AFF2: variants seen among roughly 807,000 people sequenced by gnomAD.
AFF2 encodes the protein ALF transcription elongation factor 2.
A neutral mutation model predicts 76.9 loss-of-function variants in AFF2; 14 were observed. That is an observed-to-expected ratio of 0.18 (90% confidence interval 0.12 to 0.28). The LOEUF is 0.28. AFF2 is among the 10% of genes least tolerant of loss of function. The pLI, the probability that AFF2 is intolerant of heterozygous loss-of-function variation, is 1.00. For synonymous variants in AFF2, 398 were observed against 366.7 expected (o/e 1.09, Z -0.98); for missense variants, 868 against 1,001.1 (o/e 0.87, Z 1.79).
At chrX:148,840,675 T>C (rs1269690738) in intron 5 of AFF2, among the ~76,000 whole-genome samples, 1 of 112,852 alleles carries the variant, frequency 8.9e-6, no homozygotes, top group African/African-American at 3.2e-5. Context: ...GCATTTAAAA[T>C]AAATTTGTAT....
intron 1 of AFF2, among the ~76,000 whole-genome samples, chrX:148,513,445 C>T (rs896134752): frequency 3.6e-5 from 4 of 111,763 alleles, no homozygotes. Context: ...AGCTTCATTG[C>T]CTTAATGGAG....
rs1569551571 is a variant in AFF2, at chrX:148,581,009, C to CACACAAACATGTGTATATA, written c.48-70990_48-70989insACACAAACATGTGTATATA. 8.0e-3 allele frequency among the ~76,000 whole-genome samples: 274 copies of CACACAAACATGTGTATATA among 34,179 alleles called. 8 individuals are homozygous for CACACAAACATGTGTATATA. Among genetic ancestry groups the CACACAAACATGTGTATATA allele is most frequent in the African/African-American group, 0.025 (263 of 10,493 alleles). 29.7% of individuals were successfully genotyped at this position (34,179 alleles called of 115,157 possible). Reference sequence around the variant, plus strand: ...ACAAATATATACATATATGCACCTCCTACACACAAACATATGTGTATATAT... The same window carrying CACACAAACATGTGTATATA: ...ACAAATATATACATATATGCACCTCCACACAAACATGTGTATATATACACACAAACATATGTGTATATAT... On this transcript the variant is annotated intron_variant, in intron 1 of 20. Transcript: ENST00000370460.
At chrX:148,973,326 AG>A in intron 15 of AFF2, 144 bp from the exon 16 acceptor site, 1 of 707,985 alleles carries the variant, frequency 1.4e-6, no homozygotes, top group Non-Finnish European at 2.1e-6. Flanking sequence ...CCCTCTCCCC[AG>A]GGGTGACAAC....
intron 3 of AFF2, among the ~76,000 whole-genome samples, chrX:148,806,231 G>C (rs782040298): frequency 9.5e-4 from 107 of 112,475 alleles, no homozygotes; most frequent in African/African-American, 3.4e-3. Context: ...GAGAGTGCAA[G>C]AGAATAGCAT....
intron 8 of AFF2, among the ~76,000 whole-genome samples, chrX:148,897,298 A>ATG (rs1342757582): frequency 1.3e-5 from 1 of 78,581 alleles, no homozygotes; most frequent in African/African-American, 4.3e-5. Flanking sequence ...ATATATCCAT[A>ATG]TGTGTGTATA....
At chrX:148,715,368 CAAGA>C (rs1557263259) in intron 3 of AFF2, among the ~76,000 whole-genome samples, 1 of 111,432 alleles carries the variant, frequency 9.0e-6, no homozygotes. Flanking sequence ...AGTAATACAT[CAAGA>C]AAGCCCCAGA....
At chrX:148,810,730 C>A (rs1208405305) in intron 4 of AFF2, among the ~76,000 whole-genome samples, 5 of 111,861 alleles carry the variant, frequency 4.5e-5, no homozygotes, top group Non-Finnish European at 7.5e-5. Flanking sequence ...TATAGGCTAC[C>A]AAGTGGTATA....
chrX:148,923,523 T>G (rs1194650102), intron 9 of AFF2, among the ~76,000 whole-genome samples: 1 of 110,746 alleles, frequency 9.0e-6, no homozygotes, highest in African/African-American at 3.3e-5. Flanking sequence ...TTTGCAAAAA[T>G]TTTGAAACGG....
chrX:148,726,497 C>A (rs2055156968), intron 3 of AFF2, among the ~76,000 whole-genome samples: 1 of 112,074 alleles, frequency 8.9e-6, no homozygotes. Flanking sequence ...GGAGAGCAGT[C>A]TCAGGCCTGC....
At chrX:148,650,120 T>TTTGGATAAATTGA (rs1238808608) in intron 1 of AFF2, among the ~76,000 whole-genome samples, 3 of 110,804 alleles carry the variant, frequency 2.7e-5, no homozygotes, top group African/African-American at 9.9e-5. Flanking sequence ...CTTTCTTACA[T>TTTGGATAAATTGA]TTGGATAAAT....
At chrX:148,623,149 G>A (rs782758192) in intron 1 of AFF2, among the ~76,000 whole-genome samples, 4 of 111,510 alleles carry the variant, frequency 3.6e-5, no homozygotes, top group Non-Finnish European at 5.7e-5. Context: ...TCCACATGCT[G>A]TATTTTTCTG....
At chrX:148,675,703 C>A (rs1363007137) in intron 3 of AFF2, among the ~76,000 whole-genome samples, 1 of 109,609 alleles carries the variant, frequency 9.1e-6, no homozygotes, top group South Asian at 4.0e-4. Flanking sequence ...GATATGGAGA[C>A]CAGGATGTTC....
At chrX:148,960,715 C>T (rs2072099176) in intron 12 of AFF2, among the ~76,000 whole-genome samples, 1 of 111,989 alleles carries the variant, frequency 8.9e-6, no homozygotes, top group African/African-American at 3.2e-5. Flanking sequence ...GATTCCACAC[C>T]AGACTATGAC....
intron 3 of AFF2, among the ~76,000 whole-genome samples, chrX:148,690,800 C>A (rs1472516666): frequency 3.6e-5 from 4 of 111,976 alleles, no homozygotes; most frequent in African/African-American, 9.7e-5. Context: ...GTGGCTTAAA[C>A]AACAGAAATT....
chrX:148,657,696 AG>A (rs1376658239), intron 2 of AFF2, among the ~76,000 whole-genome samples: 16 of 112,581 alleles, frequency 1.4e-4, no homozygotes, highest in African/African-American at 5.2e-4. Flanking sequence ...GTGATTGCTT[AG>A]AAAATAATGG....
intron 7 of AFF2, among the ~76,000 whole-genome samples, chrX:148,864,892 A>G (rs1188361323): frequency 8.9e-6 from 1 of 112,198 alleles, no homozygotes; most frequent in African/African-American, 3.2e-5. Context: ...AAATTGTATA[A>G]ACGTTGATGA....
chrX:148,947,816 A>G (rs1315682857), intron 9 of AFF2, among the ~76,000 whole-genome samples: 1 of 112,522 alleles, frequency 8.9e-6, no homozygotes, highest in Non-Finnish European at 1.9e-5. Context: ...ATGAAATCAA[A>G]TATGAAACCA....
intron 1 of AFF2, among the ~76,000 whole-genome samples, chrX:148,607,816 C>CT (rs370812590): frequency 2.2e-4 from 25 of 111,306 alleles, no homozygotes; most frequent in African/African-American, 7.5e-4. Context: ...TATCTGGTTT[C>CT]TTTTTTTTAG....
At chrX:148,687,149 G>A (rs2054608759) in intron 3 of AFF2, among the ~76,000 whole-genome samples, 1 of 111,501 alleles carries the variant, frequency 9.0e-6, no homozygotes, top group African/African-American at 3.3e-5. Flanking sequence ...ATATATGTTG[G>A]CATTTTCATT....
Sources: gnomAD v4.1 joint callset for allele counts (sites outside exome capture counted in the v4.1 genomes callset) on GRCh38, gnomAD v4.1.1 for gene constraint, MANE v1.5 for transcripts, NCBI Gene and HGNC (gene_info 2026-07-23, HGNC 2026-07-21) for gene names.